Variants in MORC1 observed in about 807,000 individuals in gnomAD.
MORC1 encodes the protein MORC family CW-type zinc finger 1.
A neutral mutation model predicts 134.9 loss-of-function variants in MORC1; 59 were observed. The observed-to-expected ratio is 0.44, with a 90% CI of 0.35 to 0.54. The LOEUF (loss-of-function observed/expected upper bound fraction) is 0.54, where lower values mean the gene tolerates loss of function less well. Among genes scored for constraint, MORC1 ranks in the 20% least tolerant of loss-of-function variants. The pLI is 0.00. For synonymous variants in MORC1, 395 were observed against 391.7 expected, an observed-to-expected ratio of 1.01 and a Z score of -0.10; for missense variants, 947 against 1,134.5, an observed-to-expected ratio of 0.83 and a Z score of 2.37.
rs1429478774 is a variant in MORC1, at chr3:108,987,184, AGGGATTT to A, written c.2188-242_2188-236del. On this transcript the variant is annotated intron_variant, in intron 21 of 27. Coordinates refer to ENST00000232603, the MANE Select transcript of MORC1 (RefSeq NM_014429.4). ...ATGTTTACTCATTTGATTTCTTTAA[AGGGATTT>A]TTGTATTTCTACTAATATTTGTGCA... 1.3e-5 allele frequency among the ~76,000 whole-genome samples: 2 copies of A among 152,214 alleles called. 1 individual carries two copies. The highest frequency in any genetic ancestry group is 2.9e-5 in the Non-Finnish European group (2 of 68,026).
At chr3:109,103,132 C>T (rs1329682766) in intron 4 of MORC1, among the ~76,000 whole-genome samples, 1 of 152,168 alleles carries the variant, frequency 6.6e-6, no homozygotes, top group Non-Finnish European at 1.5e-5. Context: ...TATTACTGAA[C>T]TCTCACCATT....
chr3:109,109,063 C>T (rs189083483), intron 3 of MORC1, among the ~76,000 whole-genome samples: 5 of 152,218 alleles, frequency 3.3e-5, no homozygotes, highest in East Asian at 1.9e-4. Flanking sequence ...CAGCATTGTT[C>T]CCTGAGTGCT....
chr3:109,031,553 T>C lies in MORC1; in HGVS notation c.1565+1167A>G, dbSNP rs553659770. On this transcript the variant is annotated intron_variant, in intron 16 of 27. Coordinates refer to ENST00000232603, the MANE Select transcript of MORC1 (RefSeq NM_014429.4). ...CAACACTTTGTTCCTATTTGGGAGA[T>C]ATTTAAGTCCCAAGTTGGGGATGAA... Among the ~76,000 whole-genome samples the C allele has an allele frequency of 1.6e-4, 24 of 152,270 alleles. No individual in the cohort carries two copies. The South Asian group carries it at 4.6e-3, about 29-fold the overall frequency.
chr3:109,013,664 G>A (rs1474543148), intron 17 of MORC1, among the ~76,000 whole-genome samples: 1 of 152,146 alleles, frequency 6.6e-6, no homozygotes, highest in East Asian at 1.9e-4. Flanking sequence ...TGGAGCTCCT[G>A]CATCATCTTG....
At chr3:108,996,599 G>A (rs1419313026) in intron 21 of MORC1, among the ~76,000 whole-genome samples, 1 of 152,132 alleles carries the variant, frequency 6.6e-6, no homozygotes, top group Non-Finnish European at 1.5e-5. Context: ...AATCCCAGTT[G>A]GAAACTTCTA....
At chr3:109,084,988 A>G (rs1312760227) in intron 8 of MORC1, among the ~76,000 whole-genome samples, 1 of 152,156 alleles carries the variant, frequency 6.6e-6, no homozygotes, top group Non-Finnish European at 1.5e-5. Flanking sequence ...TCATATACAA[A>G]CATCAAATCA....
intron 6 of MORC1, among the ~76,000 whole-genome samples, chr3:109,097,736 T>TA (rs1412081430): frequency 6.6e-6 from 1 of 152,136 alleles, no homozygotes; most frequent in East Asian, 1.9e-4. Flanking sequence ...GTAATACACA[T>TA]AAAAAACTAA....
At chr3:109,010,281 T>C (rs1480367124) in intron 17 of MORC1, among the ~76,000 whole-genome samples, 1 of 152,214 alleles carries the variant, frequency 6.6e-6, no homozygotes. Context: ...ACCAAAATGA[T>C]AATTTGCCTT....
chr3:109,054,925 A>G (rs7653625), intron 13 of MORC1, 43 bp from the exon 14 acceptor site: 372,122 of 1,547,058 alleles, frequency 0.24, 46,956 homozygotes, highest in Middle Eastern at 0.31. Context: ...AATTTGGCTA[A>G]AGAAAAAAAT....
intron 9 of MORC1, among the ~76,000 whole-genome samples, chr3:109,066,499 C>G (rs1363088786): frequency 6.6e-6 from 1 of 152,128 alleles, no homozygotes; most frequent in African/African-American, 2.4e-5. Flanking sequence ...CTTGGCCAGG[C>G]TGGTCTCAAA....
intron 2 of MORC1, among the ~76,000 whole-genome samples, chr3:109,111,903 G>A (rs1232934014): frequency 1.3e-5 from 2 of 152,230 alleles, no homozygotes; most frequent in East Asian, 3.9e-4. Flanking sequence ...TCCCTATATA[G>A]ACACTCTGGA....
At chr3:109,085,571 C>T (rs1217860809) in intron 8 of MORC1, among the ~76,000 whole-genome samples, 3 of 151,406 alleles carry the variant, frequency 2.0e-5, no homozygotes, top group Non-Finnish European at 4.4e-5. Context: ...ATCATCTCAC[C>T]CCAATTAAAA....
chr3:109,109,184 C>T (rs920587691), intron 3 of MORC1, among the ~76,000 whole-genome samples: 6 of 152,196 alleles, frequency 3.9e-5, no homozygotes, highest in Admixed American at 2.0e-4. Context: ...CTGTATACCC[C>T]TTCCATGGCT....
At chr3:109,104,939 C>T (rs1017952650) in intron 3 of MORC1, among the ~76,000 whole-genome samples, 65 of 152,086 alleles carry the variant, frequency 4.3e-4, no homozygotes, top group African/African-American at 1.5e-3. Flanking sequence ...ATCCACACCT[C>T]AAATGTTTCC....
At chr3:109,054,965 T>G in intron 13 of MORC1, 83 bp from the exon 14 acceptor site, 1 of 1,288,294 alleles carries the variant, frequency 7.8e-7, no homozygotes, top group Non-Finnish European at 1.1e-6. Flanking sequence ...TGAAATCATT[T>G]TTTTTTTCAA....
rs747579539 is a variant in MORC1, at chr3:108,959,135, C to A, written c.2800-15G>T. On this transcript the variant is annotated splice_polypyrimidine_tract_variant and intron_variant, in intron 27 of 27. Coordinates refer to ENST00000232603, the MANE Select transcript of MORC1 (RefSeq NM_014429.4). ...TCTGGACCACCCTGGAAAAGAGAAG[C>A]AACAGTCACACCAGGGAAAGAAGCT... 1.3e-6 allele frequency: 2 copies of A among 1,568,962 alleles called. No homozygotes were observed. Among genetic ancestry groups the A allele is most frequent in the Non-Finnish European group, 1.7e-6 (2 of 1,161,656 alleles).
chr3:108,996,235 G>A (rs890426285), intron 21 of MORC1, among the ~76,000 whole-genome samples: 6 of 145,446 alleles, frequency 4.1e-5, no homozygotes, highest in African/African-American at 1.3e-4. Context: ...AAAGCCTGAC[G>A]CTACCACAAT....
intron 8 of MORC1, among the ~76,000 whole-genome samples, chr3:109,074,237 G>A (rs11920923): frequency 8.5e-5 from 13 of 152,164 alleles, no homozygotes; most frequent in African/African-American, 1.9e-4. Context: ...GAGCCATGGC[G>A]GATTTCAGGG....
chr3:109,009,434 G>A (rs965204473), intron 17 of MORC1, among the ~76,000 whole-genome samples: 7 of 152,114 alleles, frequency 4.6e-5, no homozygotes, highest in South Asian at 4.1e-4. Flanking sequence ...TCCATCTCTT[G>A]ACCTCATGAT....
Sources: allele counts gnomAD v4.1 joint callset (sites outside exome capture counted in the v4.1 genomes callset), GRCh38; gene constraint gnomAD v4.1.1; transcripts MANE v1.5; gene names NCBI Gene and HGNC (gene_info 2026-07-23, HGNC 2026-07-21).